The following RAB5A variants were observed in gnomAD, a reference collection of about 807,000 sequenced individuals.
RAB5A encodes the protein RAB5A, member RAS oncogene family, also known as ras-related protein Rab-5A.
A neutral mutation model predicts 25.7 loss-of-function variants in RAB5A; 8 were observed. That is an observed-to-expected ratio of 0.31 (90% confidence interval 0.18 to 0.56). The LOEUF (loss-of-function observed/expected upper bound fraction) is 0.56. Among genes scored for constraint, RAB5A ranks in the 20% least tolerant of loss-of-function variants. RAB5A has a pLI of 0.91. For synonymous variants in RAB5A, 98 were observed against 89.8 expected (o/e 1.09, Z -0.52); for missense variants, 192 against 259.7 (o/e 0.74, Z 1.79).
At chr3:19,961,077 AGTAATTT>A (rs1290354051) in intron 2 of RAB5A, among the ~76,000 whole-genome samples, 1 of 152,246 alleles carries the variant, frequency 6.6e-6, no homozygotes, top group Non-Finnish European at 1.5e-5. Context: ...TGCATTCATA[AGTAATTT>A]GTAAATTTTA....
chr3:19,971,743 G>A (rs868694643), intron 2 of RAB5A, among the ~76,000 whole-genome samples: 8 of 152,120 alleles, frequency 5.3e-5, no homozygotes, highest in African/African-American at 1.9e-4. Flanking sequence ...CCAAAGTGCT[G>A]GGATTACAGG....
In RAB5A at chr3:19,947,437, T is replaced by G. The variant is rs1323306931; in HGVS notation, c.-178T>G. On this transcript the variant is annotated 5_prime_UTR_variant, in exon 1 of 6. Transcript: ENST00000273047. ...GCCGCCGCCGCCACCACCACCGCCA[T>G]AGATACACTCTCATCCTACGGGCCA... is the stretch of plus-strand genomic sequence containing the variant. The G allele has an allele frequency of 6.4e-6, 1 of 157,184 alleles. No individual in the cohort carries two copies. Among genetic ancestry groups the G allele is most frequent in the South Asian group, 1.8e-4 (1 of 5,686 alleles). The allele number at this position is 157,184 out of a possible 1,614,324, so 9.7% of individuals were successfully genotyped here.
At chr3:19,967,573 A>C (rs376177990) in intron 2 of RAB5A, among the ~76,000 whole-genome samples, 2 of 152,202 alleles carry the variant, frequency 1.3e-5, no homozygotes, top group Non-Finnish European at 2.9e-5. Context: ...TAGATAAACT[A>C]GTATAGATCA....
At chr3:19,978,521 G>A (rs1559492803) in intron 5 of RAB5A, 118 bp downstream of exon 5, 1 of 639,148 alleles carries the variant, frequency 1.6e-6, no homozygotes, top group Non-Finnish European at 2.8e-6. Context: ...GTATGTTTAT[G>A]TGTGTGTGTG....
chr3:19,976,871 C>T (rs1696832659), intron 4 of RAB5A, among the ~76,000 whole-genome samples: 1 of 151,988 alleles, frequency 6.6e-6, no homozygotes, highest in African/African-American at 2.4e-5. Context: ...TGTGGTTGTT[C>T]TTAAAGGGGC....
intron 2 of RAB5A, among the ~76,000 whole-genome samples, chr3:19,953,495 C>CT (rs1229895739): frequency 6.6e-6 from 1 of 151,466 alleles, no homozygotes; most frequent in African/African-American, 2.4e-5. Flanking sequence ...GCAACCTCCG[C>CT]TTCCCAGGAT....
chr3:19,954,069 C>G (rs1696464239), intron 2 of RAB5A, among the ~76,000 whole-genome samples: 1 of 152,136 alleles, frequency 6.6e-6, no homozygotes, highest in South Asian at 2.1e-4. Context: ...GGTTGGAGTG[C>G]AGTGGTGTGA....
chr3:19,981,743 C>T (rs1696932312), intron 5 of RAB5A, among the ~76,000 whole-genome samples: 1 of 152,030 alleles, frequency 6.6e-6, no homozygotes, highest in Non-Finnish European at 1.5e-5. Flanking sequence ...GAAGCACACT[C>T]CAGAGAACAG....
chr3:19,981,035 G>GT (rs1696915832), intron 5 of RAB5A, among the ~76,000 whole-genome samples: 2 of 152,206 alleles, frequency 1.3e-5, no homozygotes, highest in African/African-American at 2.4e-5. Flanking sequence ...GGTAAAGTTA[G>GT]AGTCTTACCA....
rs570011095 is a variant in RAB5A at position 19,963,311 on chromosome 3, T to C, written c.163+12250T>C. On this transcript the variant is annotated intron_variant, in intron 2 of 5. Transcript: ENST00000273047. ...CCATTGTTGGGCATTTAATGTTTGC[T>C]TTTTTGTTTGCTGTTTTAGGTAATC... Among the ~76,000 whole-genome samples, 7 of 152,028 alleles carry C rather than the reference T, an allele frequency of 4.6e-5. No individual in the cohort carries two copies. In the South Asian group the frequency reaches 1.5e-3, roughly 32 times the overall value.
intron 2 of RAB5A, among the ~76,000 whole-genome samples, chr3:19,968,032 A>G (rs1696685120): frequency 6.6e-6 from 1 of 152,144 alleles, no homozygotes; most frequent in South Asian, 2.1e-4. Context: ...GTTAGTACTC[A>G]TTTTCCCAGT....
intron 2 of RAB5A, among the ~76,000 whole-genome samples, chr3:19,956,260 C>A (rs1363846119): frequency 6.6e-6 from 1 of 152,126 alleles, no homozygotes; most frequent in Non-Finnish European, 1.5e-5. Flanking sequence ...ATCACGAGGT[C>A]AGGAGTTCGA....
chr3:19,969,219 A>G (rs775293471), intron 2 of RAB5A, among the ~76,000 whole-genome samples: 1 of 151,052 alleles, frequency 6.6e-6, no homozygotes, highest in Non-Finnish European at 1.5e-5. Context: ...TAATTTTTGT[A>G]TTTTTTAATA....
At chr3:19,949,262 G>C (rs1371439836) in intron 1 of RAB5A, among the ~76,000 whole-genome samples, 8 of 152,100 alleles carry the variant, frequency 5.3e-5, no homozygotes. Context: ...CTAAAAAGCT[G>C]GTGTTTAGTT....
intron 2 of RAB5A, among the ~76,000 whole-genome samples, chr3:19,971,146 G>A (rs1009666902): frequency 4.2e-5 from 6 of 141,434 alleles, no homozygotes; most frequent in Non-Finnish European, 7.5e-5. Flanking sequence ...TCAGTGAGCC[G>A]AGATCGCGCC....
At chr3:19,951,473 G>A (rs1227458458) in intron 2 of RAB5A, among the ~76,000 whole-genome samples, 1 of 152,118 alleles carries the variant, frequency 6.6e-6, no homozygotes, top group Admixed American at 6.5e-5. Flanking sequence ...TGAAGTATTT[G>A]CAAATAATTA....
At chr3:19,955,307 T>C (rs182587724) in intron 2 of RAB5A, among the ~76,000 whole-genome samples, 1 of 152,296 alleles carries the variant, frequency 6.6e-6, no homozygotes, top group East Asian at 1.9e-4. Flanking sequence ...GAAAATAACA[T>C]TCCTCTTGCT....
rs982007758 is a variant in RAB5A, at chr3:19,952,225, G to A, written c.163+1164G>A. On this transcript the variant is annotated intron_variant, in intron 2 of 5. Transcript: ENST00000273047. ...CAAAGAAACCTATAATTATATAGCAGTGGGACAAGATAGCCTCTTTTGGGC... is the reference window on the plus strand; with the variant it reads ...CAAAGAAACCTATAATTATATAGCAATGGGACAAGATAGCCTCTTTTGGGC... 8.6e-4 allele frequency among the ~76,000 whole-genome samples: 131 copies of A among 152,210 alleles called. 5 individuals carry two copies. Among genetic ancestry groups the A allele is most frequent in the Admixed American group, 8.4e-3 (129 of 15,286 alleles).
chr3:19,949,039 A>T (rs1394354387), intron 1 of RAB5A, among the ~76,000 whole-genome samples: 1 of 152,206 alleles, frequency 6.6e-6, no homozygotes, highest in African/African-American at 2.4e-5. Flanking sequence ...TTGTCACATC[A>T]GCTATGCAAG....
Sources: allele counts gnomAD v4.1 joint callset (sites outside exome capture counted in the v4.1 genomes callset), GRCh38; gene constraint gnomAD v4.1.1; transcripts MANE v1.5; gene names NCBI Gene and HGNC (gene_info 2026-07-23, HGNC 2026-07-21).